CSPG4: variants seen among roughly 807,000 people sequenced by gnomAD.
The protein encoded by CSPG4 is chondroitin sulfate proteoglycan 4.
Under a neutral mutation model 139.3 loss-of-function variants are expected in CSPG4, and 74 were observed. The ratio of observed to expected loss-of-function variants is 0.53; its 90% CI spans 0.44 to 0.64. The LOEUF (loss-of-function observed/expected upper bound fraction) is 0.64. CSPG4 is among the 30% of genes least tolerant of loss of function. The pLI, the probability that CSPG4 is intolerant of heterozygous loss-of-function variation, is 0.00. For missense variants in CSPG4, 2,565 were observed against 3,148.3 expected (o/e 0.81, Z 4.43); for synonymous variants, 1,234 against 1,394.2 (o/e 0.89, Z 2.56).
At chr15:75,678,546 G>T (rs1304689340) in intron 8 of CSPG4, 1 of 427,582 alleles carries the variant, frequency 2.3e-6, no homozygotes, top group Admixed American at 2.5e-5. Context: ...TTGAGACAGG[G>T]TCTCACTATG....
At chr15:75,703,805 G>A (rs948759107) in intron 1 of CSPG4, among the ~76,000 whole-genome samples, 21 of 136,604 alleles carry the variant, frequency 1.5e-4, no homozygotes, top group Non-Finnish European at 2.8e-4. Flanking sequence ...TGGGGTAACC[G>A]TAGCCTGGGG....
rs12592229 is a variant in CSPG4, at chr15:75,684,943, C to A, written c.4273-31G>T. ...GGCAGGCCCAGGGCTGGCAGTCAGG[C>A]CCCAGCAGCACCCTTCATGCCCTGC... On this transcript the variant is annotated intron_variant, in intron 4 of 9. Coordinates refer to ENST00000308508, the MANE Select transcript of CSPG4 (RefSeq NM_001897.5). 6,246 of 1,592,418 alleles carry A rather than the reference C, an allele frequency of 3.9e-3. 205 individuals are homozygous for A. In the East Asian group the frequency reaches 0.094, roughly 24 times the overall value.
chr15:75,687,991 C>T lies in CSPG4; in HGVS notation c.3074G>A (p.Arg1025Gln), dbSNP rs183580356. 68 of 1,612,410 alleles carry T rather than the reference C, an allele frequency of 4.2e-5. No individual in the cohort carries two copies. The highest frequency in any genetic ancestry group is 3.3e-4 in the Middle Eastern group (2 of 6,060). ...CCCACCCCGGGCCACATGGAAGATC[C>T]GGCTGATGGTCTGCACAGGGGCGTG... ...NDHAPVQTIS[R>Q]IFHVARGGRR... The change falls in exon 3 of 10, where the codon CGG becomes CAG. Residue 1025 changes from arginine to glutamine, a missense_variant. Arg to Gln is a conservative substitution (Grantham distance 43). Around this residue, in one of 5 missense-constraint regions of CSPG4, gnomAD observed 2,316 missense variants for 2,818.2 expected, o/e 0.82. Transcript: ENST00000308508. The surrounding 1 kb of genome is among the most constrained non-coding windows in gnomAD (Gnocchi z 5.4).
chr15:75,682,112 T>A (rs903888250), intron 8 of CSPG4, among the ~76,000 whole-genome samples, 181 bp downstream of exon 8: 2 of 152,220 alleles, frequency 1.3e-5, no homozygotes, highest in African/African-American at 4.8e-5. Flanking sequence ...GAACATGAAC[T>A]TGCCCTGCCA....
At position 75,682,671 on chromosome 15, in the gene CSPG4, T is replaced by C. The variant is rs1893990604; in HGVS notation, c.4719A>G (p.Arg1573=). Residue 1573 remains arginine, a synonymous_variant, in exon 7 of 10, where the codon CGA becomes CGG. Coordinates refer to ENST00000308508, the MANE Select transcript of CSPG4 (RefSeq NM_001897.5). ...GGAGCACTTGCTTCTGGGCCGTCAC[T>C]CGGAAGAAGTGTCCGGGGGAAGTGT... ...GEHTSPGHFF[R]VTAQKQVLLS... is the part of the protein sequence containing the mutation. The C allele has an allele frequency of 1.2e-6, 2 of 1,613,006 alleles. No individual in the cohort carries two copies. The highest frequency in any genetic ancestry group is 1.7e-6 in the Non-Finnish European group (2 of 1,179,994).
At position 75,677,175 on chromosome 15, in the gene CSPG4, C is replaced by T; in HGVS notation, c.5344G>A (p.Gly1782Arg). 7.0e-7 allele frequency: 1 copy of T among 1,433,180 alleles called. No homozygotes were observed. The highest frequency in any genetic ancestry group is 9.2e-7 in the Non-Finnish European group (1 of 1,090,672). 88.8% of individuals were successfully genotyped at this position (1,433,180 alleles called of 1,614,324 possible). ...CCGCCGTGGGCATACACTAGCTGCC[C>T]TGCAGCCAGCTGGGACTGCAGGAAG... ...PHFLQSQLAA[G>R]QLVYAHGGGG... Residue 1782 changes from glycine to arginine, a missense_variant, in exon 10 of 10, where the codon GGG becomes AGG. Gly to Arg is a moderately radical substitution (Grantham distance 125). This residue lies in a region of CSPG4 where 2,316 missense variants were observed against 2,818.2 expected (regional missense o/e 0.82). Coordinates refer to ENST00000308508, the MANE Select transcript of CSPG4 (RefSeq NM_001897.5).
In CSPG4 at chr15:75,676,198, G is replaced by A. The variant is rs372154927; in HGVS notation, c.6321C>T (p.Ser2107=). The A allele has an allele frequency of 1.2e-5, 18 of 1,550,394 alleles. No homozygotes were observed. The East Asian group carries it at 2.9e-4, about 25-fold the overall frequency. The stretch of plus-strand genomic sequence containing the variant: ...GCTGAGTGAACTGCTCCACCAGCTG[G>A]CTGCCCCCGGGCTCCGTCCTGGCTC... ...VPRARTEPGG[S]QLVEQFTQQD... The change falls in exon 10 of 10, where the codon AGC becomes AGT. Residue 2107 remains serine (S), a synonymous_variant. Coordinates refer to ENST00000308508, the MANE Select transcript of CSPG4 (RefSeq NM_001897.5).
chr15:75,710,569 G>A (rs542820357), intron 1 of CSPG4, among the ~76,000 whole-genome samples: 3 of 152,278 alleles, frequency 2.0e-5, no homozygotes, highest in Middle Eastern at 3.4e-3. Flanking sequence ...CTATACAAGT[G>A]GAAGATTGGC....
Position 75,688,970 on chromosome 15 carries a change from C to T in CSPG4, c.2095G>A (p.Val699Met), listed in dbSNP as rs146774923. Residue 699 changes from valine (V) to methionine (M), a missense_variant, in exon 3 of 10, where the codon GTG (valine) becomes ATG (methionine). By Grantham distance (21) the Val-to-Met change is conservative (BLOSUM62 1). This residue lies in a region of CSPG4 where 2,316 missense variants were observed against 2,818.2 expected (regional missense o/e 0.82). Transcript: ENST00000308508. ...AGGGCCCCAGTGACGCGGAACAGCA[C>T]GCTCACATCCTGCCCCACGGCATTG... ...ETNAVGQDVS[V>M]LFRVTGALQF... is the part of the protein sequence containing the mutation. 1.4e-4 allele frequency: 219 copies of T among 1,612,514 alleles called. 2 individuals are homozygous for T. The highest frequency in any genetic ancestry group is 1.0e-3 in the African/African-American group (78 of 75,052).
chr15:75,688,975 A>G lies in CSPG4; in HGVS notation c.2090T>C (p.Val697Ala). Residue 697 changes from valine (V) to alanine (A), a missense_variant, in exon 3 of 10, where the codon GTG becomes GCG. This residue lies in a region of CSPG4 where 2,316 missense variants were observed against 2,818.2 expected (regional missense o/e 0.82). Transcript: ENST00000308508. The stretch of plus-strand genomic sequence containing the variant: ...CCCAGTGACGCGGAACAGCACGCTC[A>G]CATCCTGCCCCACGGCATTGGTCTC... The part of the protein sequence containing the change: ...SVETNAVGQD[V>A]SVLFRVTGAL... The G allele has an allele frequency of 6.2e-7, 1 of 1,612,458 alleles. No homozygotes were observed. The highest frequency in any genetic ancestry group is 8.5e-7 in the Non-Finnish European group (1 of 1,180,002).
Position 75,687,757 on chromosome 15 carries a change from A to T in CSPG4, c.3308T>A (p.Ile1103Asn), listed in dbSNP as rs1894083353. The change falls in exon 3 of 10, where the codon ATC becomes AAC. Residue 1103 changes from isoleucine (I) to asparagine (N), a missense_variant. Around this residue, in one of 5 missense-constraint regions of CSPG4, gnomAD observed 2,316 missense variants for 2,818.2 expected, o/e 0.82. Coordinates refer to ENST00000308508, the MANE Select transcript of CSPG4 (RefSeq NM_001897.5). The surrounding 1 kb of genome is among the most constrained non-coding windows in gnomAD (Gnocchi z 5.4). Reference protein sequence around the residue: ...FVHSGADRGWIQLQVSDGQHQ... With the variant: ...FVHSGADRGWNQLQVSDGQHQ... ...TTGCCCGTCGGACACCTGCAGCTGG[A>T]TCCAGCCACGGTCAGCCCCTGAGTG... 13 of 1,612,916 alleles carry T rather than the reference A, an allele frequency of 8.1e-6. No homozygotes were observed. Among genetic ancestry groups the T allele is most frequent in the Non-Finnish European group, 1.0e-5 (12 of 1,180,010 alleles).
chr15:75,677,106 G>C lies in CSPG4; in HGVS notation c.5413C>G (p.Gln1805Glu). Residue 1805 changes from glutamine to glutamate, a missense_variant, in exon 10 of 10, where the codon CAG (glutamine) becomes GAG (glutamate). Physicochemically the swap from Gln to Glu is conservative, Grantham distance 29. Transcript: ENST00000308508. ...QDGFHFRAHL[Q>E]GPAGASVAGP... is the part of the protein sequence containing the mutation. ...GCCACGGAGGCCCCTGCTGGCCCCTGGAGGTGGGCACGAAAGTGGAAGCCA... is the reference window on the plus strand; with the variant it reads ...GCCACGGAGGCCCCTGCTGGCCCCTCGAGGTGGGCACGAAAGTGGAAGCCA... The C allele has an allele frequency of 7.1e-7, 1 of 1,414,258 alleles. No individual in the cohort carries two copies. The highest frequency in any genetic ancestry group is 2.8e-5 in the Admixed American group (1 of 35,966). 87.6% of individuals were successfully genotyped at this position (1,414,258 alleles called of 1,614,324 possible).
chr15:75,705,901 C>CTGTGTGCGTGTG (rs1356168788), intron 1 of CSPG4, among the ~76,000 whole-genome samples: 1 of 151,760 alleles, frequency 6.6e-6, no homozygotes, highest in East Asian at 1.9e-4. Context: ...GTGTATATGT[C>CTGTGTGCGTGTG]TGTGTGCGTG....
Position 75,687,222 on chromosome 15 carries a change from G to A in CSPG4, c.3789+54C>T, listed in dbSNP as rs1894072063. On this transcript the variant is annotated intron_variant, in intron 3 of 9. Coordinates refer to ENST00000308508, the MANE Select transcript of CSPG4 (RefSeq NM_001897.5). This position sits in a 1 kb window ranked among gnomAD's most constrained non-coding sequence, Gnocchi z 5.4. The stretch of plus-strand genomic sequence containing the variant: ...ACGTGTGTTCCTGGCATGGAGGCTG[G>A]GAGAAGGCCCTCTACCTGGCCCACA... 2.5e-6 allele frequency: 4 copies of A among 1,596,672 alleles called. No individual in the cohort carries two copies. The East Asian group carries it at 6.7e-5, about 27-fold the overall frequency.
rs1260351532 is a variant in CSPG4, at chr15:75,693,239, T to C, written c.89-6A>G. 37 of 1,585,886 alleles carry C rather than the reference T, an allele frequency of 2.3e-5. No homozygotes were observed. Among genetic ancestry groups the C allele is most frequent in the Non-Finnish European group, 2.7e-5 (32 of 1,165,822 alleles). On this transcript the variant is annotated splice_polypyrimidine_tract_variant and splice_region_variant and intron_variant, in intron 1 of 9. Transcript: ENST00000308508. The stretch of plus-strand genomic sequence containing the variant: ...GTTCTCACCGAAGAAGGAAGCTGTG[T>C]GAGAGAGGGAGCTGTGGTCAAGGCT...
Position 75,712,795 on chromosome 15 carries a change from G to C in CSPG4, c.-40C>G. ...CGGCAGGACTTGCGAGGAGCCAGCGGAGTCCTGGGAGCTGGGAGCTGAGTG... is the reference window on the plus strand; with the variant it reads ...CGGCAGGACTTGCGAGGAGCCAGCGCAGTCCTGGGAGCTGGGAGCTGAGTG... On this transcript the variant is annotated 5_prime_UTR_variant, in exon 1 of 10. Coordinates refer to ENST00000308508, the MANE Select transcript of CSPG4 (RefSeq NM_001897.5). 1 of 1,498,484 alleles carries C rather than the reference G, an allele frequency of 6.7e-7. No homozygotes were observed. The highest frequency in any genetic ancestry group is 9.0e-7 in the Non-Finnish European group (1 of 1,116,602). 92.8% of individuals were successfully genotyped at this position (1,498,484 alleles called of 1,614,324 possible).
chr15:75,692,004 G>A (rs1055807801), intron 2 of CSPG4, among the ~76,000 whole-genome samples: 2 of 151,984 alleles, frequency 1.3e-5, no homozygotes, highest in East Asian at 1.9e-4. Flanking sequence ...TTTTTGAGAC[G>A]GAGTTTGGTT....
chr15:75,684,634 G>A (rs1312753594), intron 5 of CSPG4, 102 bp downstream of exon 5: 3 of 1,121,878 alleles, frequency 2.7e-6, no homozygotes, highest in Non-Finnish European at 3.8e-6. Flanking sequence ...TTGCAGAGGA[G>A]GAAACTGAGG....
chr15:75,675,532 C>A lies in CSPG4; in HGVS notation c.*18G>T, dbSNP rs201609755. On this transcript the variant is annotated 3_prime_UTR_variant, in exon 10 of 10. Transcript: ENST00000308508. ...AGCCTGTCCCTGGCCCGATCAGCAT[C>A]TGGGCCCAGGCCAGGCCTCACACCC... The A allele has an allele frequency of 2.6e-5, 39 of 1,473,706 alleles. No homozygotes were observed. The African/African-American group carries it at 4.4e-4, about 17-fold the overall frequency. The allele number at this position is 1,473,706 out of a possible 1,614,324, so 91.3% of individuals were successfully genotyped here.
Sources: allele counts gnomAD v4.1 joint callset (sites outside exome capture counted in the v4.1 genomes callset), GRCh38; gene constraint gnomAD v4.1.1; regional missense constraint gnomAD v4.1.1; non-coding constraint Gnocchi (gnomAD v3.1); transcripts MANE v1.5; gene names NCBI Gene and HGNC (gene_info 2026-07-23, HGNC 2026-07-21).